The following SCN2A variants were observed in gnomAD, a reference collection of about 807,000 sequenced individuals.
The protein encoded by SCN2A is sodium channel protein type 2 subunit alpha.
In SCN2A, 20 loss-of-function variants were observed where a neutral mutation model predicts 188.7. The observed-to-expected ratio is 0.11, with a 90% CI of 0.07 to 0.15. SCN2A has a LOEUF of 0.15. Among genes scored for constraint, SCN2A ranks in the 10% least tolerant of loss-of-function variants. SCN2A has a pLI of 1.00. For missense variants in SCN2A, 1,278 were observed against 2,445.0 expected (o/e 0.52, Z 10.07); for synonymous variants, 804 against 833.1 (o/e 0.97, Z 0.60).
chr2:165,373,237 A>G lies in SCN2A; in HGVS notation c.3862A>G (p.Ser1288Gly). The change falls in exon 21 of 27, where the codon AGC (serine) becomes GGC (glycine). Residue 1288 changes from serine to glycine, a missense_variant. Coordinates refer to ENST00000375437, the MANE Select transcript of SCN2A (RefSeq NM_001040142.2). ...TTTTTCTGTATAGGTCTCACTGGTT[A>G]GCTTAACTGCAAATGCCTTGGGTTA... ...DFLIVDVSLVSLTANALGYSE... is the reference protein window; with the variant it reads ...DFLIVDVSLVGLTANALGYSE... 1 of 1,613,406 alleles carries G rather than the reference A, an allele frequency of 6.2e-7. No homozygotes were observed. Among genetic ancestry groups the G allele is most frequent in the Non-Finnish European group, 8.5e-7 (1 of 1,179,430 alleles).
At chr2:165,374,564 C>A in intron 21 of SCN2A, 121 bp from the exon 22 acceptor site, 1 of 1,036,184 alleles carries the variant, frequency 9.7e-7, no homozygotes, top group African/African-American at 1.6e-5. Flanking sequence ...TAGTTTCTAC[C>A]CAATATTCAA....
At chr2:165,287,181 T>C (rs1424737728) in intron 1 of SCN2A, among the ~76,000 whole-genome samples, 2 of 152,232 alleles carry the variant, frequency 1.3e-5, no homozygotes, top group East Asian at 3.9e-4. Flanking sequence ...GAGGTCCAAG[T>C]GCCCTGTTTG....
chr2:165,382,795 T>C (rs1438520356), intron 25 of SCN2A, among the ~76,000 whole-genome samples: 5 of 152,142 alleles, frequency 3.3e-5, no homozygotes, highest in Non-Finnish European at 7.4e-5. Context: ...GATTTTAGCA[T>C]TGTCAGAACA....
rs75508317 is a variant in SCN2A, at chr2:165,348,442, A to C, written c.2919+3531A>C. ...AACCTCCAAGTCCCCAAAGATAGAGAAAGGGGAAGGGAAAAAGGCAAAGTA... is the reference window on the plus strand; with the variant it reads ...AACCTCCAAGTCCCCAAAGATAGAGCAAGGGGAAGGGAAAAAGGCAAAGTA... On this transcript the variant is annotated intron_variant, in intron 16 of 26. Transcript: ENST00000375437. Among the ~76,000 whole-genome samples the C allele has an allele frequency of 7.6e-3, 1,149 of 152,138 alleles. 11 individuals are homozygous for C. Among genetic ancestry groups the C allele is most frequent in the Middle Eastern group, 0.02 (6 of 294 alleles).
chr2:165,328,709 A>C (rs1008783088), intron 13 of SCN2A, among the ~76,000 whole-genome samples: 1 of 152,218 alleles, frequency 6.6e-6, no homozygotes, highest in African/African-American at 2.4e-5. Flanking sequence ...ACTATGTGAC[A>C]TGGGGTTGCT....
chr2:165,354,706 T>C, intron 17 of SCN2A, 35 bp downstream of exon 17: 10 of 1,603,816 alleles, frequency 6.2e-6, no homozygotes, highest in Non-Finnish European at 8.5e-6. Flanking sequence ...ATTTTGGTGT[T>C]ATATAATTCT....
chr2:165,248,991 G>A (rs114091076), intron 1 of SCN2A, among the ~76,000 whole-genome samples: 135 of 152,198 alleles, frequency 8.9e-4, no homozygotes, highest in Middle Eastern at 3.4e-3. Flanking sequence ...GCATATTAGT[G>A]TTATAAAATC....
At chr2:165,257,620 G>A (rs184422784) in intron 1 of SCN2A, among the ~76,000 whole-genome samples, 1 of 151,906 alleles carries the variant, frequency 6.6e-6, no homozygotes, top group African/African-American at 2.4e-5. Context: ...CTCACTGCAA[G>A]CTCCGCCTTC....
At chr2:165,358,826 T>C (rs921412556) in intron 17 of SCN2A, among the ~76,000 whole-genome samples, 3 of 152,072 alleles carry the variant, frequency 2.0e-5, no homozygotes, top group Admixed American at 6.6e-5. Context: ...GTTTTTAAAA[T>C]GAAGAGACTT....
chr2:165,385,464 A>G (rs759077346), intron 25 of SCN2A, among the ~76,000 whole-genome samples: 1 of 152,230 alleles, frequency 6.6e-6, no homozygotes, highest in Admixed American at 6.5e-5. Context: ...ATAAGGTCCA[A>G]ATAGACTAGG....
Position 165,291,601 on chromosome 2 carries a change from T to TCTCTCTCTCTC in SCN2A, c.-51-4172_-51-4171insCTCTCTCTCTC, listed in dbSNP as rs1559340877. Among the ~76,000 whole-genome samples the TCTCTCTCTCTC allele has an allele frequency of 9.5e-4, 82 of 86,674 alleles. 1 individual carries two copies. Among genetic ancestry groups the TCTCTCTCTCTC allele is most frequent in the South Asian group, 5.3e-3 (14 of 2,642 alleles). The allele number at this position is 86,674 out of a possible 152,430, so 56.9% of individuals were successfully genotyped here. ...TCTCTCTCTCTCTCTCTCTCTCTCT[T>TCTCTCTCTCTC]TCTTTCTTTGTCTTGCTCTATCTCC... On this transcript the variant is annotated intron_variant, in intron 1 of 26. Transcript: ENST00000375437.
chr2:165,244,243 A>AAAAT (rs973145429), intron 1 of SCN2A, among the ~76,000 whole-genome samples: 15 of 152,202 alleles, frequency 9.9e-5, no homozygotes, highest in African/African-American at 2.6e-4. Flanking sequence ...CTCTGAGTCA[A>AAAAT]AAATAAATAA....
In SCN2A at chr2:165,310,396, C is replaced by T. The variant is rs1697363679; in HGVS notation, c.771C>T (p.Phe257=). 3 of 1,613,654 alleles carry T rather than the reference C, an allele frequency of 1.9e-6. No homozygotes were observed. Among genetic ancestry groups the T allele is most frequent in the Non-Finnish European group, 2.5e-6 (3 of 1,179,650 alleles). The change falls in exon 7 of 27, where the codon TTC becomes TTT. Residue 257 remains phenylalanine (F), a synonymous_variant. Transcript: ENST00000375437. ...CTGATGTCATGATCTTGACTGTGTT[C>T]TGTCTAAGCGTGTTTGCGCTAATAG... ...KLSDVMILTV[F]CLSVFALIGL...
At chr2:165,306,620 TG>T (rs1697153050) in intron 3 of SCN2A, among the ~76,000 whole-genome samples, 2 of 151,636 alleles carry the variant, frequency 1.3e-5, no homozygotes, top group South Asian at 4.2e-4. Context: ...TTCATATGGA[TG>T]AAAAAACTGA....
chr2:165,253,467 T>C (rs1368033709), intron 1 of SCN2A, among the ~76,000 whole-genome samples: 1 of 152,254 alleles, frequency 6.6e-6, no homozygotes, highest in Non-Finnish European at 1.5e-5. Context: ...AGATAAAGAA[T>C]AATACTTCAT....
intron 23 of SCN2A, among the ~76,000 whole-genome samples, chr2:165,380,374 C>T (rs115706254): frequency 2.5e-3 from 377 of 151,864 alleles, no homozygotes; most frequent in African/African-American, 8.7e-3. Flanking sequence ...TATAATCATT[C>T]AGACTTCTAT....
rs1699475154 is a variant in SCN2A at position 165,344,589 on chromosome 2, C to T, written c.2597C>T (p.Thr866Ile). 2 of 1,613,986 alleles carry T rather than the reference C, an allele frequency of 1.2e-6. No individual in the cohort carries two copies. The highest frequency in any genetic ancestry group is 3.3e-5 in the Admixed American group (2 of 59,992). Residue 866 changes from threonine to isoleucine, a missense_variant, in exon 16 of 27, where the codon ACT becomes ATT. Thr to Ile is a moderately conservative substitution (Grantham distance 89). Coordinates refer to ENST00000375437, the MANE Select transcript of SCN2A (RefSeq NM_001040142.2). ...TTCAAGTTGGCAAAATCTTGGCCAA[C>T]TCTAAATATGCTAATTAAGATCATT... ...RVFKLAKSWP[T>I]LNMLIKIIGN...
At chr2:165,376,094 A>G (rs1701299752) in intron 22 of SCN2A, among the ~76,000 whole-genome samples, 1 of 151,954 alleles carries the variant, frequency 6.6e-6, no homozygotes, top group Non-Finnish European at 1.5e-5. Context: ...TCAATTCGAC[A>G]GGAAGAATAC....
chr2:165,274,874 C>T (rs1695267004), intron 1 of SCN2A, among the ~76,000 whole-genome samples: 2 of 151,820 alleles, frequency 1.3e-5, no homozygotes, highest in South Asian at 2.1e-4. Flanking sequence ...CTTTCATCAT[C>T]CTCCTTCTGT....
Sources: gnomAD v4.1 joint callset for allele counts (sites outside exome capture counted in the v4.1 genomes callset) on GRCh38, gnomAD v4.1.1 for gene constraint, MANE v1.5 for transcripts, NCBI Gene and HGNC (gene_info 2026-07-23, HGNC 2026-07-21) for gene names.